The following MCTP1 variants were observed in gnomAD, a reference collection of about 807,000 sequenced individuals.
MCTP1 encodes multiple C2 and transmembrane domain-containing protein 1.
In MCTP1, 69 loss-of-function variants were observed where a neutral mutation model predicts 120.6. The ratio of observed to expected loss-of-function variants is 0.57; its 90% confidence interval spans 0.47 to 0.70. MCTP1 has a LOEUF of 0.70. MCTP1 is among the 30% of genes least tolerant of loss of function. MCTP1 has a pLI of 0.00. For missense variants in MCTP1, 1,203 were observed against 1,248.8 expected (o/e 0.96, Z 0.55); for synonymous variants, 529 against 493.1 (o/e 1.07, Z -0.96).
intron 17 of MCTP1, among the ~76,000 whole-genome samples, chr5:94,833,560 A>G (rs947426669): frequency 1.4e-4 from 22 of 152,220 alleles, no homozygotes; most frequent in African/African-American, 4.6e-4. Context: ...TTTGTTTTTA[A>G]GAATGAAAAC....
rs1180945960 is a variant in MCTP1, at chr5:94,894,790, C to CTGGAG, written c.1697_1698insCTCCA (p.Lys566AsnfsTer21). The CTGGAG allele has an allele frequency of 6.2e-7, 1 of 1,612,112 alleles. No individual in the cohort carries two copies. The highest frequency in any genetic ancestry group is 8.5e-7 in the Non-Finnish European group (1 of 1,179,040). ...CACCCTCTTCCAGCTGCAACTCCAG[C>CTGGAG]TTGTGCGTCTGTTCCCTACTGAGGG... On this transcript the variant is annotated frameshift_variant, in exon 11 of 23. Coordinates refer to ENST00000515393, the MANE Select transcript of MCTP1 (RefSeq NM_024717.7). LOFTEE classifies it high-confidence loss of function.
At chr5:95,101,298 C>A (rs1756713036) in intron 1 of MCTP1, among the ~76,000 whole-genome samples, 1 of 152,164 alleles carries the variant, frequency 6.6e-6, no homozygotes, top group South Asian at 2.1e-4. Context: ...AAAATTTGTA[C>A]ATCCTGAAAC....
rs568073132 is a variant in MCTP1, at chr5:95,269,504, C to T, written c.720+14352G>A. Among the ~76,000 whole-genome samples the T allele has an allele frequency of 6.4e-4, 98 of 152,212 alleles. 1 individual carries two copies. Among genetic ancestry groups the T allele is most frequent in the Non-Finnish European group, 1.3e-3 (86 of 68,040 alleles). ...CTGAGCCTGCAAATAAACAAACTAA[C>T]CCACTCTCATTCACTGGAAACTTTT... is the stretch of plus-strand genomic sequence containing the variant. On this transcript the variant is annotated intron_variant, in intron 1 of 22. Coordinates refer to ENST00000515393, the MANE Select transcript of MCTP1 (RefSeq NM_024717.7).
chr5:95,125,781 A>G, intron 1 of MCTP1, among the ~76,000 whole-genome samples: 1 of 152,250 alleles, frequency 6.6e-6, no homozygotes, highest in East Asian at 1.9e-4. Flanking sequence ...GAAATCATAT[A>G]CATAAACTAT....
intron 2 of MCTP1, among the ~76,000 whole-genome samples, chr5:94,971,778 T>C (rs915710079): frequency 3.3e-5 from 5 of 152,178 alleles, no homozygotes; most frequent in African/African-American, 1.2e-4. Flanking sequence ...GCACCTGCCT[T>C]GGACTCTTAT....
At chr5:95,004,260 A>G (rs1834250226) in intron 2 of MCTP1, among the ~76,000 whole-genome samples, 2 of 152,244 alleles carry the variant, frequency 1.3e-5, no homozygotes, top group Admixed American at 1.3e-4. Flanking sequence ...ACTCATATGC[A>G]TGTGCAAAGA....
rs765313289 is a variant in MCTP1 at position 94,873,159 on chromosome 5, C to G, written c.2016G>C (p.Glu672Asp). 3.1e-6 allele frequency: 5 copies of G among 1,602,712 alleles called. No individual in the cohort carries two copies. The highest frequency in any genetic ancestry group is 4.3e-6 in the Non-Finnish European group (5 of 1,170,444). ...THTVYKNLNP[E>D]WNKVFTFNIK... ...CTTACAACGTGAAGACTTTATTCCA[C>G]TCAGGATTGAGATTTTTGTAGACAG... Residue 672 changes from glutamate to aspartate, a missense_variant, in exon 13 of 23, where the codon GAG (glutamate) becomes GAC (aspartate). This residue lies in a region of MCTP1 where 740 missense variants were observed against 871.1 expected (regional missense o/e 0.85). Transcript: ENST00000515393.
chr5:94,716,357 AC>A (rs1759329017), intron 19 of MCTP1, among the ~76,000 whole-genome samples: 1 of 152,074 alleles, frequency 6.6e-6, no homozygotes, highest in South Asian at 2.1e-4. Flanking sequence ...GTCATGACAG[AC>A]GTTGGTGCAT....
In MCTP1 at chr5:94,763,822, T is replaced by G. The variant is rs559951072; in HGVS notation, c.2610+15288A>C. 2.6e-5 allele frequency among the ~76,000 whole-genome samples: 4 copies of G among 152,270 alleles called. No individual in the cohort carries two copies. The South Asian group carries it at 8.3e-4, about 32-fold the overall frequency. On this transcript the variant is annotated intron_variant, in intron 19 of 22. Coordinates refer to ENST00000515393, the MANE Select transcript of MCTP1 (RefSeq NM_024717.7). ...CTGTGAACTTTGAAAGAAAAAAAAT[T>G]TTAAAACTTTCTGAGACTTTGATTA... is the stretch of plus-strand genomic sequence containing the variant.
At chr5:95,200,005 AC>A (rs1209378888) in intron 1 of MCTP1, among the ~76,000 whole-genome samples, 6 of 152,102 alleles carry the variant, frequency 3.9e-5, no homozygotes, top group African/African-American at 1.4e-4. Flanking sequence ...TACTAAAAAT[AC>A]AAAAATTATC....
At chr5:95,167,538 G>A (rs928316978) in intron 1 of MCTP1, among the ~76,000 whole-genome samples, 1 of 152,158 alleles carries the variant, frequency 6.6e-6, no homozygotes, top group Non-Finnish European at 1.5e-5. Context: ...GTGTAAAAGT[G>A]TTCCTATTTC....
intron 1 of MCTP1, among the ~76,000 whole-genome samples, chr5:95,198,129 G>A (rs1750599513): frequency 6.6e-6 from 1 of 151,694 alleles, no homozygotes; most frequent in Non-Finnish European, 1.5e-5. Flanking sequence ...ATATATATGT[G>A]TGTGTATATA....
chr5:95,201,463 G>GT (rs1562232022), intron 1 of MCTP1, among the ~76,000 whole-genome samples: 2 of 120,682 alleles, frequency 1.7e-5, no homozygotes, highest in Non-Finnish European at 3.5e-5. Flanking sequence ...AAGGAAAAGT[G>GT]GTTTTTTTTT....
At chr5:94,719,054 A>C (rs1421222912) in intron 19 of MCTP1, among the ~76,000 whole-genome samples, 1 of 152,230 alleles carries the variant, frequency 6.6e-6, no homozygotes, top group African/African-American at 2.4e-5. Context: ...AAACTTATGA[A>C]AAAAAGCTCT....
rs551384917 is a variant in MCTP1 at position 94,719,809 on chromosome 5, C to T, written c.2611-4923G>A. Among the ~76,000 whole-genome samples, 11 of 152,262 alleles carry T rather than the reference C, an allele frequency of 7.2e-5. No homozygotes were observed. In the South Asian group the frequency reaches 1.2e-3, roughly 17 times the overall value. ...CTATGTAACAAACCTGCATGTCCTG[C>T]GCATGTGTCCCAGAACTTAAAATAT... On this transcript the variant is annotated intron_variant, in intron 19 of 22. Transcript: ENST00000515393.
chr5:95,198,921 T>C (rs1291475640), intron 1 of MCTP1, among the ~76,000 whole-genome samples: 1 of 152,202 alleles, frequency 6.6e-6, no homozygotes, highest in Non-Finnish European at 1.5e-5. Context: ...AAAACTAAAA[T>C]CACTCTCTTT....
intron 1 of MCTP1, among the ~76,000 whole-genome samples, chr5:95,212,846 T>C (rs1368125267): frequency 6.6e-6 from 1 of 152,158 alleles, no homozygotes; most frequent in Non-Finnish European, 1.5e-5. Flanking sequence ...ATAAATTAGG[T>C]ATTCACGGGA....
intron 1 of MCTP1, among the ~76,000 whole-genome samples, chr5:95,058,857 T>C (rs17084403): frequency 0.12 from 18,207 of 152,126 alleles, 1,190 homozygotes; most frequent in Middle Eastern, 0.14. Context: ...ACATTCTCTT[T>C]TTAAAGATCC....
At chr5:95,238,404 ATC>A (rs1009332095) in intron 1 of MCTP1, among the ~76,000 whole-genome samples, 22 of 152,174 alleles carry the variant, frequency 1.4e-4, no homozygotes, top group African/African-American at 4.1e-4. Flanking sequence ...TGATATTTCT[ATC>A]TCTCTGCTTT....
Sources: gnomAD v4.1 joint callset for allele counts (sites outside exome capture counted in the v4.1 genomes callset) on GRCh38, gnomAD v4.1.1 for gene constraint, gnomAD v4.1.1 regional missense constraint, MANE v1.5 for transcripts, NCBI Gene and HGNC (gene_info 2026-07-23, HGNC 2026-07-21) for gene names.